Variants in PI4KA observed in about 807,000 individuals in gnomAD.
The protein encoded by PI4KA is phosphatidylinositol 4-kinase alpha, also known as PI4-kinase alpha.
In PI4KA, 122 loss-of-function variants were observed where a neutral mutation model predicts 271.4. That is an observed-to-expected ratio of 0.45 (90% confidence interval 0.39 to 0.52). PI4KA has a LOEUF of 0.52. PI4KA is among the 20% of genes least tolerant of loss of function. PI4KA has a pLI of 0.00. For missense variants in PI4KA, 1,969 were observed against 2,769.1 expected, an observed-to-expected ratio of 0.71 and a Z score of 6.48; for synonymous variants, 1,041 against 1,078.8, an observed-to-expected ratio of 0.96 and a Z score of 0.69.
chr22:20,721,189 T>G (rs569113603), intron 43 of PI4KA, 109 bp downstream of exon 43: 7 of 1,133,622 alleles, frequency 6.2e-6, no homozygotes, highest in Admixed American at 1.8e-5. Context: ...AGTGGAGGGG[T>G]CGGTGAGCTG....
In PI4KA at chr22:20,759,631, A is replaced by T. The variant is rs1236045560; in HGVS notation, c.2791+1673T>A. On this transcript the variant is annotated intron_variant, in intron 23 of 54. Coordinates refer to ENST00000255882, the MANE Select transcript of PI4KA (RefSeq NM_058004.4). ...CCAAGGCTGGAGTACAGTTGCGTGA[A>T]CTCCACTCACTGCAAGCTCCACCTC... is the stretch of plus-strand genomic sequence containing the variant. Among the ~76,000 whole-genome samples the T allele has an allele frequency of 4.2e-5, 6 of 141,910 alleles. No homozygotes were observed. In the East Asian group the frequency reaches 6.2e-4, roughly 15 times the overall value. The allele number at this position is 141,910 out of a possible 152,430, so 93.1% of individuals were successfully genotyped here.
rs74817225 is a variant in PI4KA, at chr22:20,775,118, T to C, written c.2329-9425A>G. Among the ~76,000 whole-genome samples, 1,120 of 152,266 alleles carry C rather than the reference T, an allele frequency of 7.4e-3. 12 individuals are homozygous for C. Among genetic ancestry groups the C allele is most frequent in the African/African-American group, 0.025 (1,043 of 41,540 alleles). On this transcript the variant is annotated intron_variant, in intron 19 of 54. Transcript: ENST00000255882. The stretch of plus-strand genomic sequence containing the variant: ...AGGAGGGATGACGGTTTATCAAGTG[T>C]TATGCTCTGATGCGTGACTGAAAAG...
intron 1 of PI4KA, among the ~76,000 whole-genome samples, chr22:20,842,080 G>A (rs1479954410): frequency 6.6e-6 from 1 of 152,134 alleles, no homozygotes; most frequent in East Asian, 1.9e-4. Flanking sequence ...GCCGGGCATG[G>A]TGGCAGGCCC....
At chr22:20,836,119 A>G (rs977641625) in intron 2 of PI4KA, among the ~76,000 whole-genome samples, 2 of 152,028 alleles carry the variant, frequency 1.3e-5, no homozygotes, top group African/African-American at 4.8e-5. Flanking sequence ...GAAGGCATGC[A>G]GCTTCCACCT....
chr22:20,738,343 C>T (rs556712182), intron 32 of PI4KA, among the ~76,000 whole-genome samples: 1 of 152,298 alleles, frequency 6.6e-6, no homozygotes, highest in Non-Finnish European at 1.5e-5. Context: ...GTTGGGCACA[C>T]AGCAGGACCA....
intron 19 of PI4KA, chr22:20,774,165 T>C (rs1370347317): frequency 1.3e-5 from 2 of 152,222 alleles, no homozygotes; most frequent in Admixed American, 1.3e-4. Context: ...GTTTCTAATG[T>C]TTCTGCTGAT....
intron 4 of PI4KA, among the ~76,000 whole-genome samples, chr22:20,821,614 C>T (rs1236741403): frequency 2.7e-5 from 3 of 109,624 alleles, no homozygotes; most frequent in African/African-American, 1.1e-4. Context: ...TGTTTTGAGG[C>T]GCGGTTTCAC....
chr22:20,759,691 G>C (rs921623011), intron 23 of PI4KA, among the ~76,000 whole-genome samples: 1 of 151,548 alleles, frequency 6.6e-6, no homozygotes, highest in Non-Finnish European at 1.5e-5. Context: ...TCAGCCTCCC[G>C]AGTAGCTGGG....
Position 20,782,491 on chromosome 22 carries a change from G to C in PI4KA, c.2328+10702C>G, listed in dbSNP as rs117197425. Among the ~76,000 whole-genome samples the C allele has an allele frequency of 5.9e-3, 894 of 152,230 alleles. 8 individuals carry two copies. The highest frequency in any genetic ancestry group is 0.055 in the East Asian group (287 of 5,180). ...TTTTAATTTCACTTAATTTCATATG[G>C]AATCATCTCCATTACTAATTTTGTT... On this transcript the variant is annotated intron_variant, in intron 19 of 54. Transcript: ENST00000255882.
chr22:20,798,927 G>A (rs941345971), intron 16 of PI4KA, 166 bp downstream of exon 16: 3 of 644,230 alleles, frequency 4.7e-6, no homozygotes, highest in Non-Finnish European at 8.0e-6. Context: ...TTTTTCCCCA[G>A]CACTCACAGC....
intron 7 of PI4KA, among the ~76,000 whole-genome samples, chr22:20,814,201 G>A (rs1921434647): frequency 6.6e-6 from 1 of 151,930 alleles, no homozygotes; most frequent in Non-Finnish European, 1.5e-5. Context: ...CACACTACTA[G>A]AAGTTTCAAA....
intron 42 of PI4KA, chr22:20,721,664 C>T (rs1926754101): frequency 4.1e-6 from 2 of 488,596 alleles, no homozygotes; most frequent in South Asian, 5.7e-5. Flanking sequence ...GCCTTTGTCT[C>T]CTCTGTGTCT....
rs771868087 is a variant in PI4KA at position 20,765,569 on chromosome 22, G to A, written c.2437+16C>T. On this transcript the variant is annotated intron_variant, in intron 20 of 54. Coordinates refer to ENST00000255882, the MANE Select transcript of PI4KA (RefSeq NM_058004.4). ...TCTGCACTCCGTCTTCACTGGGAGAGAGATGATCCCCCTACCTGAGCCCTC... is the reference window on the plus strand; with the variant it reads ...TCTGCACTCCGTCTTCACTGGGAGAAAGATGATCCCCCTACCTGAGCCCTC... 2.6e-6 allele frequency: 4 copies of A among 1,519,244 alleles called. No individual in the cohort carries two copies. In the South Asian group the frequency reaches 3.4e-5, roughly 13 times the overall value. 94.1% of individuals were successfully genotyped at this position (1,519,244 alleles called of 1,614,324 possible). A position where few individuals can be genotyped will look rare whatever the true frequency, so the allele number is the denominator to read the frequency against.
intron 32 of PI4KA, among the ~76,000 whole-genome samples, chr22:20,741,473 C>A (rs1301245734): frequency 6.6e-6 from 1 of 152,186 alleles, no homozygotes; most frequent in African/African-American, 2.4e-5. Context: ...CAACCTCCCC[C>A]AGGCGCCCAC....
At position 20,750,001 on chromosome 22, in the gene PI4KA, G is replaced by A; in HGVS notation, c.3154-7C>T. ...CGAAGTCCTTCACAATGCTCTGGAA[G>A]AGGGTGAAGCTGCTTCTCAACAACC... is the stretch of plus-strand genomic sequence containing the variant. On this transcript the variant is annotated splice_region_variant and splice_polypyrimidine_tract_variant and intron_variant, in intron 27 of 54. Transcript: ENST00000255882. 1.2e-6 allele frequency: 2 copies of A among 1,602,436 alleles called. No individual in the cohort carries two copies. Among genetic ancestry groups the A allele is most frequent in the Non-Finnish European group, 1.7e-6 (2 of 1,169,456 alleles).
intron 1 of PI4KA, among the ~76,000 whole-genome samples, chr22:20,854,130 G>GT (rs200798721): frequency 2.3e-3 from 346 of 151,760 alleles, no homozygotes; most frequent in African/African-American, 7.7e-3. Context: ...AAGTAATTTT[G>GT]TTTTTTTTGA....
At chr22:20,770,519 A>AAAG (rs1932820156) in intron 19 of PI4KA, among the ~76,000 whole-genome samples, 1 of 101,380 alleles carries the variant, frequency 9.9e-6, no homozygotes, top group African/African-American at 4.4e-5. Context: ...GTCTCAAAAA[A>AAAG]AAAAAAAAAA....
chr22:20,828,155 T>C (rs975835659), intron 3 of PI4KA, among the ~76,000 whole-genome samples: 1 of 152,198 alleles, frequency 6.6e-6, no homozygotes, highest in African/African-American at 2.4e-5. Flanking sequence ...GGCTCTCAGC[T>C]TGGATGTTGT....
At chr22:20,817,756 A>AAAAT (rs1569068169) in intron 7 of PI4KA, among the ~76,000 whole-genome samples, 25 of 144,956 alleles carry the variant, frequency 1.7e-4, no homozygotes, top group Non-Finnish European at 3.7e-4. Context: ...AAAAAAAAAA[A>AAAAT]AAAAAAAAAA....
Sources: gnomAD v4.1 joint callset for allele counts (sites outside exome capture counted in the v4.1 genomes callset) on GRCh38, gnomAD v4.1.1 for gene constraint, MANE v1.5 for transcripts, NCBI Gene and HGNC (gene_info 2026-07-23, HGNC 2026-07-21) for gene names.